The following RAF1 variants were observed in gnomAD, a reference collection of about 807,000 sequenced individuals.
RAF1 encodes RAF proto-oncogene serine/threonine-protein kinase.
RAF1 carries 27 observed loss-of-function variants against 81.1 expected under a neutral mutation model. The ratio of observed to expected loss-of-function variants is 0.33; its 90% CI spans 0.25 to 0.46. The LOEUF is 0.46. Among genes scored for constraint, RAF1 ranks in the 20% least tolerant of loss-of-function variants. RAF1 has a pLI of 1.00. For missense variants in RAF1, 598 were observed against 826.0 expected, an observed-to-expected ratio of 0.72 and a Z score of 3.38; for synonymous variants, 298 against 294.0, an observed-to-expected ratio of 1.01 and a Z score of -0.14.
chr3:12,612,202 A>G (rs1314107867), intron 2 of RAF1, 140 bp from the exon 3 acceptor site: 1 of 704,996 alleles, frequency 1.4e-6, no homozygotes, highest in African/African-American at 1.7e-5. Flanking sequence ...CTGAATGTCC[A>G]GCAATAGGAA....
intron 1 of RAF1, among the ~76,000 whole-genome samples, chr3:12,634,663 CCTT>C (rs902423461): frequency 2.6e-5 from 4 of 151,992 alleles, no homozygotes; most frequent in Non-Finnish European, 4.4e-5. Context: ...TACATAATGG[CCTT>C]TTTTTCTTGA....
chr3:12,628,899 G>A (rs753526632), intron 1 of RAF1, among the ~76,000 whole-genome samples: 1 of 152,008 alleles, frequency 6.6e-6, no homozygotes, highest in Non-Finnish European at 1.5e-5. Flanking sequence ...CTGCAGGTGT[G>A]AGCCACCATG....
intron 1 of RAF1, among the ~76,000 whole-genome samples, chr3:12,627,768 C>T (rs1444886255): frequency 2.0e-5 from 3 of 152,160 alleles, no homozygotes; most frequent in African/African-American, 7.2e-5. Context: ...TCTTCAAAGC[C>T]GTATCTTTCT....
intron 1 of RAF1, among the ~76,000 whole-genome samples, chr3:12,641,715 C>T (rs1261969381): frequency 2.0e-5 from 3 of 152,012 alleles, no homozygotes; most frequent in Non-Finnish European, 2.9e-5. Flanking sequence ...TGGTCTTGAA[C>T]TCCTGAGCTC....
chr3:12,645,714 T>C (rs1460781706), intron 1 of RAF1, among the ~76,000 whole-genome samples: 1 of 152,076 alleles, frequency 6.6e-6, no homozygotes. Flanking sequence ...TATTGTACTG[T>C]ACTGTATTTA....
intron 2 of RAF1, among the ~76,000 whole-genome samples, chr3:12,617,837 G>A (rs1043732693): frequency 2.8e-5 from 4 of 142,750 alleles, no homozygotes; most frequent in Non-Finnish European, 4.5e-5. Flanking sequence ...AGGTTGCAGT[G>A]AGCTGCACTC....
In RAF1 at chr3:12,584,324, C is replaced by T. The variant is rs528863135; in HGVS notation, c.*190G>A. 3.7e-3 allele frequency: 2,556 copies of T among 687,988 alleles called. 13 individuals carry two copies. Among genetic ancestry groups the T allele is most frequent in the Non-Finnish European group, 5.7e-3 (2,309 of 407,638 alleles). The allele number at this position is 687,988 out of a possible 1,614,324, so 42.6% of individuals were successfully genotyped here. A position where few individuals can be genotyped will look rare whatever the true frequency, so the allele number is the denominator to read the frequency against. On this transcript the variant is annotated 3_prime_UTR_variant, in exon 18 of 18. Coordinates refer to ENST00000442415, the MANE Select transcript of RAF1 (RefSeq NM_001354689.3). ...GACACACCAGCACTGCAAATGGCTT[C>T]CTTCTCCCAGGGCCCAAAGGGATAG... is the stretch of plus-strand genomic sequence containing the variant.
chr3:12,595,683 C>T (rs1270489870), intron 11 of RAF1, among the ~76,000 whole-genome samples: 1 of 152,096 alleles, frequency 6.6e-6, no homozygotes, highest in Admixed American at 6.6e-5. Flanking sequence ...TAGATATCTG[C>T]ACCACCCACC....
intron 1 of RAF1, among the ~76,000 whole-genome samples, chr3:12,632,750 T>C (rs925954997): frequency 6.6e-6 from 1 of 152,254 alleles, no homozygotes; most frequent in African/African-American, 2.4e-5. Flanking sequence ...TTGTAGTTTA[T>C]AAGCATGATT....
chr3:12,621,542 C>A (rs1301728653), intron 1 of RAF1, among the ~76,000 whole-genome samples: 2 of 152,218 alleles, frequency 1.3e-5, no homozygotes, highest in Non-Finnish European at 2.9e-5. Context: ...AGTCTTTGTA[C>A]ATTCTTTTTG....
chr3:12,610,002 T>C (rs890351636), intron 3 of RAF1, among the ~76,000 whole-genome samples: 2 of 152,242 alleles, frequency 1.3e-5, no homozygotes, highest in Admixed American at 1.3e-4. Context: ...TATTAATTAA[T>C]AACAGACTCA....
rs908395015 is a variant in RAF1 at position 12,629,938 on chromosome 3, G to A, written c.-26-11191C>T. On this transcript the variant is annotated intron_variant, in intron 1 of 17. Coordinates refer to ENST00000442415, the MANE Select transcript of RAF1 (RefSeq NM_001354689.3). ...GCTGGGACTACAGGTGCACACCACT[G>A]AGTCCAGCTAATTTTTTATTTTCTG... Among the ~76,000 whole-genome samples, 4 of 152,234 alleles carry A rather than the reference G, an allele frequency of 2.6e-5. No individual in the cohort carries two copies. The South Asian group carries it at 8.3e-4, about 32-fold the overall frequency.
At chr3:12,615,851 A>T (rs2059354172) in intron 2 of RAF1, among the ~76,000 whole-genome samples, 1 of 152,152 alleles carries the variant, frequency 6.6e-6, no homozygotes, top group African/African-American at 2.4e-5. Flanking sequence ...GGAGTTTGAG[A>T]CCAGCCTTGC....
intron 1 of RAF1, among the ~76,000 whole-genome samples, chr3:12,635,318 CAAAAAAAAAAAAAAAA>C (rs71063852): frequency 2.4e-3 from 66 of 27,634 alleles, no homozygotes; most frequent in African/African-American, 4.7e-3. Flanking sequence ...GACCCTGTCT[CAAAAAAAAAAAAAAAA>C]AAAAAAAAAA....
chr3:12,606,993 G>A (rs762079068), intron 5 of RAF1, among the ~76,000 whole-genome samples: 1 of 152,128 alleles, frequency 6.6e-6, no homozygotes, highest in Non-Finnish European at 1.5e-5. Context: ...GCCCGGCCCA[G>A]TGTGCATTTC....
rs1001030549 is a variant in RAF1, at chr3:12,608,696, C to T, written c.581+70G>A. The T allele has an allele frequency of 2.6e-6, 4 of 1,537,976 alleles. No homozygotes were observed. In the African/African-American group the frequency reaches 5.5e-5, roughly 21 times the overall value. ...ATCCAGACCTGTCAGTCAAAATCTA[C>T]AACAAATACCCTTTAAAGTATGTAT... On this transcript the variant is annotated intron_variant, in intron 5 of 17. Transcript: ENST00000442415.
chr3:12,663,659 T>C (rs2060955464), intron 1 of RAF1, among the ~76,000 whole-genome samples, 154 bp downstream of exon 1: 1 of 42,756 alleles, frequency 2.3e-5, no homozygotes, highest in African/African-American at 2.5e-4. Flanking sequence ...CGCCCAACGC[T>C]ACCCCAGGGT....
rs1029860480 is a variant in RAF1, at chr3:12,608,107, C to A, written c.581+659G>T. On this transcript the variant is annotated intron_variant, in intron 5 of 17. Coordinates refer to ENST00000442415, the MANE Select transcript of RAF1 (RefSeq NM_001354689.3). ...CATCATGGTCTAATAATAACACTCC[C>A]TTGGTTTCTCTAGTACTGTCAAAAA... Among the ~76,000 whole-genome samples, 16 of 152,090 alleles carry A rather than the reference C, an allele frequency of 1.1e-4. No individual in the cohort carries two copies. In the South Asian group the frequency reaches 2.7e-3, roughly 26 times the overall value.
chr3:12,593,336 C>G (rs923944285), intron 11 of RAF1, among the ~76,000 whole-genome samples: 2 of 152,094 alleles, frequency 1.3e-5, no homozygotes, highest in Admixed American at 1.3e-4. Flanking sequence ...CTGCCTCGGC[C>G]TCCTGGAGTG....
Sources: allele counts gnomAD v4.1 joint callset (sites outside exome capture counted in the v4.1 genomes callset), GRCh38; gene constraint gnomAD v4.1.1; transcripts MANE v1.5; gene names NCBI Gene and HGNC (gene_info 2026-07-23, HGNC 2026-07-21).